The following GLB1 variants were observed in gnomAD, a reference collection of about 807,000 sequenced individuals.
GLB1 encodes galactosidase beta 1.
In GLB1, 56 loss-of-function variants were observed where a neutral mutation model predicts 74.0. That is an observed-to-expected ratio of 0.76 (90% CI 0.61 to 0.94). The LOEUF (loss-of-function observed/expected upper bound fraction) is 0.94, where lower values mean the gene tolerates loss of function less well. Ranked by LOEUF, GLB1 falls within the 40% of genes least tolerant of loss-of-function variation. GLB1 has a pLI of 0.00. For missense variants in GLB1, 787 were observed against 845.5 expected, an observed-to-expected ratio of 0.93 and a Z score of 0.86; for synonymous variants, 323 against 323.6, an observed-to-expected ratio of 1.00 and a Z score of 0.02.
chr3:33,092,910 G>A, intron 1 of GLB1: 1 of 1,614,214 alleles, frequency 6.2e-7, no homozygotes, highest in Non-Finnish European at 8.5e-7. Context: ...GTAGTAGGCT[G>A]TGCCTGGGCT....
intron 1 of GLB1, chr3:33,096,673 T>C (rs1333193825): frequency 7.9e-6 from 9 of 1,139,068 alleles, no homozygotes; most frequent in Non-Finnish European, 9.7e-6. Context: ...CCGCGCAACT[T>C]GGAATCCCCT....
chr3:33,092,720 G>C, intron 1 of GLB1: 1 of 1,483,434 alleles, frequency 6.7e-7, no homozygotes, highest in East Asian at 2.3e-5. Context: ...GACCAAGGGT[G>C]TGTAGGCAAG....
intron 1 of GLB1, among the ~76,000 whole-genome samples, chr3:33,087,877 G>A (rs1370112287): frequency 2.9e-5 from 2 of 68,994 alleles, no homozygotes; most frequent in East Asian, 5.9e-3. Flanking sequence ...CTAGCAAACT[G>A]AATTCAACAG....
intron 15 of GLB1, among the ~76,000 whole-genome samples, chr3:33,003,338 C>T (rs990026699): frequency 5.3e-5 from 8 of 152,196 alleles, no homozygotes; most frequent in African/African-American, 7.2e-5. Context: ...AACCACCTCA[C>T]GTATCTGGAA....
chr3:32,984,162 A>C, the GLB1 span, among the ~76,000 whole-genome samples: 1 of 152,246 alleles, frequency 6.6e-6, no homozygotes, highest in South Asian at 2.1e-4. Flanking sequence ...TTAGAACATA[A>C]ATCCACACTA....
At chr3:33,079,776 GGA>G (rs1332713639) in intron 1 of GLB1, among the ~76,000 whole-genome samples, 2 of 152,112 alleles carry the variant, frequency 1.3e-5, no homozygotes, top group East Asian at 1.9e-4. Context: ...AGAAGGCAGA[GGA>G]GAGAGTTTTT....
intron 11 of GLB1, among the ~76,000 whole-genome samples, chr3:33,022,586 G>A (rs1378213108): frequency 1.5e-3 from 5 of 3,354 alleles, no homozygotes; most frequent in Admixed American, 0.01. Flanking sequence ...TTTTTTTTGA[G>A]AGAGTCTCAC....
At chr3:33,008,917 T>A (rs1325745697) in intron 15 of GLB1, among the ~76,000 whole-genome samples, 1 of 150,668 alleles carries the variant, frequency 6.6e-6, no homozygotes, top group East Asian at 2.0e-4. Context: ...GTCGGGAGTT[T>A]GAGACTGGCC....
intron 10 of GLB1, among the ~76,000 whole-genome samples, chr3:33,039,683 G>A (rs1698425304): frequency 6.6e-6 from 1 of 152,168 alleles, no homozygotes; most frequent in Non-Finnish European, 1.5e-5. Flanking sequence ...GGCAAGGTGG[G>A]AGAACGAAGT....
chr3:33,081,808 C>G (rs763293870), intron 1 of GLB1, among the ~76,000 whole-genome samples: 1 of 152,210 alleles, frequency 6.6e-6, no homozygotes, highest in Non-Finnish European at 1.5e-5. Flanking sequence ...ATAAGCCACA[C>G]GTTTCTGTGG....
At chr3:32,971,404 G>A in the GLB1 span, among the ~76,000 whole-genome samples, 1 of 152,172 alleles carries the variant, frequency 6.6e-6, no homozygotes, top group Admixed American at 6.6e-5. Context: ...GCCAGTGCCC[G>A]AGCTTCCTCC....
Position 33,096,995 on chromosome 3 carries a change from G to C in GLB1, c.75+16C>G, listed in dbSNP as rs1395017097. The C allele has an allele frequency of 6.2e-7, 1 of 1,610,594 alleles. No homozygotes were observed. The highest frequency in any genetic ancestry group is 8.5e-7 in the Non-Finnish European group (1 of 1,178,340). ...CCCTAGCAATGCCTCCCCGTACCCG[G>C]GTCCCGCAGACTTACGCGCAAGCCG... On this transcript the variant is annotated intron_variant, in intron 1 of 15. Transcript: ENST00000307363.
At chr3:32,978,003 T>A in the GLB1 span, among the ~76,000 whole-genome samples, 937 of 152,352 alleles carry the variant, frequency 6.2e-3, 7 homozygotes, top group African/African-American at 0.021. Context: ...TCTTCTCTTT[T>A]GGTTATTGTT....
intron 1 of GLB1, among the ~76,000 whole-genome samples, chr3:33,095,210 C>CAAAAA (rs71630565): frequency 1.3e-5 from 1 of 75,888 alleles, no homozygotes; most frequent in African/African-American, 5.5e-5. Flanking sequence ...GACTCTGTCT[C>CAAAAA]AAAAAAAAAA....
the GLB1 span, among the ~76,000 whole-genome samples, chr3:32,983,417 T>C: frequency 1.1e-4 from 16 of 152,228 alleles, no homozygotes; most frequent in African/African-American, 3.4e-4. Context: ...AAAATTTGGT[T>C]ATTTTATTTT....
intron 9 of GLB1, among the ~76,000 whole-genome samples, 155 bp downstream of exon 9, chr3:33,051,603 C>CAAAAAAAAA (rs59740209): frequency 1.5e-4 from 11 of 75,402 alleles, no homozygotes; most frequent in East Asian, 4.5e-4. Flanking sequence ...AGACTGTCTA[C>CAAAAAAAAA]AAAAAAAAAA....
rs560977812 is a variant in GLB1 at position 33,096,349 on chromosome 3, C to T, written c.75+662G>A. 4.1e-6 allele frequency: 4 copies of T among 975,912 alleles called. No individual in the cohort carries two copies. The East Asian group carries it at 3.4e-4, about 83-fold the overall frequency. 60.5% of individuals were successfully genotyped at this position (975,912 alleles called of 1,614,324 possible). A position where few individuals can be genotyped will look rare whatever the true frequency, so the allele number is the denominator to read the frequency against. ...CGCCCCGCACCTCACCTATTCGCCT[C>T]GCCAGCCCTGCCCCGATCAACGATG... On this transcript the variant is annotated intron_variant, in intron 1 of 15. Coordinates refer to ENST00000307363, the MANE Select transcript of GLB1 (RefSeq NM_000404.4).
chr3:33,023,988 G>A (rs1697623393), intron 11 of GLB1, among the ~76,000 whole-genome samples: 1 of 152,134 alleles, frequency 6.6e-6, no homozygotes, highest in African/African-American at 2.4e-5. Flanking sequence ...AAGGAACCAA[G>A]ATGACCCAAA....
At chr3:33,000,991 G>C (rs936221115) in intron 15 of GLB1, among the ~76,000 whole-genome samples, 2 of 152,038 alleles carry the variant, frequency 1.3e-5, no homozygotes, top group Admixed American at 6.6e-5. Context: ...GTGAAAATAG[G>C]ATTCTTTTCA....
Sources: allele counts gnomAD v4.1 joint callset (sites outside exome capture counted in the v4.1 genomes callset), GRCh38; gene constraint gnomAD v4.1.1; transcripts MANE v1.5; gene names NCBI Gene and HGNC (gene_info 2026-07-23, HGNC 2026-07-21).